The following ENG variants were observed in gnomAD, a reference collection of about 807,000 sequenced individuals.
ENG encodes the protein endoglin.
A neutral mutation model predicts 71.0 loss-of-function variants in ENG; 17 were observed. The ratio of observed to expected loss-of-function variants is 0.24; its 90% CI spans 0.16 to 0.36. ENG has a LOEUF of 0.36. Ranked by LOEUF, ENG falls within the 10% of genes least tolerant of loss-of-function variation. The probability of loss-of-function intolerance (pLI) is 1.00; values close to 1 mark genes in which losing one functional copy is unlikely to be tolerated. For synonymous variants in ENG, 360 were observed against 366.9 expected, an observed-to-expected ratio of 0.98 and a Z score of 0.21; for missense variants, 749 against 868.3, an observed-to-expected ratio of 0.86 and a Z score of 1.73.
Position 127,815,235 on chromosome 9 carries a change from T to G in ENG, c.*447A>C. 1 of 161,198 alleles carries G rather than the reference T, an allele frequency of 6.2e-6. No homozygotes were observed. Among genetic ancestry groups the G allele is most frequent in the Non-Finnish European group, 1.4e-5 (1 of 73,802 alleles). 10.0% of individuals were successfully genotyped at this position (161,198 alleles called of 1,614,324 possible). A position where few individuals can be genotyped will look rare whatever the true frequency, so the allele number is the denominator to read the frequency against. ...TGCCAGTTAGTTAGGCAAGTTCAGG[T>G]GTGGAGGCCGCAGGGATAGATCCAG... On this transcript the variant is annotated 3_prime_UTR_variant, in exon 15 of 15. Transcript: ENST00000373203.
intron 6 of ENG, 76 bp from the exon 7 acceptor site, chr9:127,825,050 C>T (rs1830573377): frequency 1.3e-6 from 2 of 1,589,698 alleles, no homozygotes; most frequent in Non-Finnish European, 8.6e-7. Context: ...AGGGTTATGC[C>T]AGGCCTCGGT....
chr9:127,839,574 G>C (rs1830978913), intron 2 of ENG, among the ~76,000 whole-genome samples: 1 of 152,100 alleles, frequency 6.6e-6, no homozygotes, highest in African/African-American at 2.4e-5. Context: ...TTTTGTTTTT[G>C]AGACAGGGTC....
At chr9:127,817,699 G>A in intron 12 of ENG, 1 of 361,482 alleles carries the variant, frequency 2.8e-6, no homozygotes, top group Admixed American at 4.1e-5. Context: ...GTGAAGTGTT[G>A]TGACTGGCAA....
At chr9:127,849,172 G>A (rs1482324725) in intron 1 of ENG, among the ~76,000 whole-genome samples, 2 of 152,174 alleles carry the variant, frequency 1.3e-5, no homozygotes, top group Non-Finnish European at 2.9e-5. Flanking sequence ...AATTAGCTTA[G>A]ACTGTGCGGT....
chr9:127,828,393 CCG>C (rs1021722764), intron 3 of ENG, among the ~76,000 whole-genome samples: 24 of 152,364 alleles, frequency 1.6e-4, no homozygotes, highest in African/African-American at 5.5e-4. Flanking sequence ...GCCACCGAGG[CCG>C]CGCCTTGGCC....
At chr9:127,830,750 C>T (rs1830746335) in intron 2 of ENG, among the ~76,000 whole-genome samples, 1 of 152,030 alleles carries the variant, frequency 6.6e-6, no homozygotes, top group East Asian at 1.9e-4. Flanking sequence ...AGGGAGTGTC[C>T]TGTGCATGGA....
intron 1 of ENG, among the ~76,000 whole-genome samples, chr9:127,845,355 G>A (rs1831143664): frequency 6.6e-6 from 1 of 152,226 alleles, no homozygotes; most frequent in Non-Finnish European, 1.5e-5. Flanking sequence ...CCTTGCCATG[G>A]CAACGCCATT....
chr9:127,852,746 G>A (rs1829060044), intron 1 of ENG, among the ~76,000 whole-genome samples: 1 of 152,160 alleles, frequency 6.6e-6, no homozygotes, highest in Non-Finnish European at 1.5e-5. Context: ...CAAACTTGGT[G>A]AGTTGGTGGC....
rs1830559618 is a variant in ENG, at chr9:127,824,739, C to T, written c.991+61G>A. The T allele has an allele frequency of 1.5e-5, 21 of 1,405,416 alleles. No homozygotes were observed. The East Asian group carries it at 5.9e-4, about 39-fold the overall frequency. 87.1% of individuals were successfully genotyped at this position (1,405,416 alleles called of 1,614,324 possible). A position where few individuals can be genotyped will look rare whatever the true frequency, so the allele number is the denominator to read the frequency against. Reference sequence around the variant, plus strand: ...AGCTCACACAGAGGTGCTTCACCAACAGTGTGGCCACTGATCCAAGGGAGG... The same window carrying T: ...AGCTCACACAGAGGTGCTTCACCAATAGTGTGGCCACTGATCCAAGGGAGG... On this transcript the variant is annotated intron_variant, in intron 7 of 14. Transcript: ENST00000373203.
intron 1 of ENG, among the ~76,000 whole-genome samples, chr9:127,853,337 C>G (rs902955891): frequency 6.6e-6 from 1 of 152,152 alleles, no homozygotes; most frequent in Non-Finnish European, 1.5e-5. Context: ...ATTTCTGCCC[C>G]TCTTCCCCCA....
At position 127,836,888 on chromosome 9, in the gene ENG, A is replaced by C. The variant is rs1564460509; in HGVS notation, c.219+6206T>G. The stretch of plus-strand genomic sequence containing the variant: ...CTGCAATCTCCGCCTCCTGGGTTCA[A>C]GTAATTCTGCTGGTTCAGCCTCCTG... On this transcript the variant is annotated intron_variant, in intron 2 of 14. Coordinates refer to ENST00000373203, the MANE Select transcript of ENG (RefSeq NM_001114753.3). This position sits in a 1 kb window ranked among gnomAD's most constrained non-coding sequence, Gnocchi z 4.0. 1.3e-5 allele frequency among the ~76,000 whole-genome samples: 2 copies of C among 152,098 alleles called. No individual in the cohort carries two copies. The highest frequency in any genetic ancestry group is 6.5e-5 in the Admixed American group (1 of 15,270).
chr9:127,819,490 G>T, intron 10 of ENG, 132 bp downstream of exon 10: 2 of 1,224,522 alleles, frequency 1.6e-6, no homozygotes, highest in Non-Finnish European at 2.4e-6. Flanking sequence ...CAGAAGGGGA[G>T]ACCGAGGCAT....
intron 1 of ENG, among the ~76,000 whole-genome samples, chr9:127,847,557 A>C (rs1831195744): frequency 6.6e-6 from 1 of 151,952 alleles, no homozygotes; most frequent in African/African-American, 2.4e-5. Context: ...TCCCAGGTTC[A>C]AGCGATTCTC....
chr9:127,815,524 G>A lies in ENG; in HGVS notation c.*158C>T, dbSNP rs1192173496. The A allele has an allele frequency of 3.6e-6, 5 of 1,381,068 alleles. No homozygotes were observed. Among genetic ancestry groups the A allele is most frequent in the Non-Finnish European group, 4.8e-6 (5 of 1,046,894 alleles). 85.6% of individuals were successfully genotyped at this position (1,381,068 alleles called of 1,614,324 possible). ...GGTGTTCCAAGCCAGTGGCTGCACT[G>A]GCAGCAGGCCTCTGAGAGGGAGGCG... On this transcript the variant is annotated 3_prime_UTR_variant, in exon 15 of 15. Coordinates refer to ENST00000373203, the MANE Select transcript of ENG (RefSeq NM_001114753.3).
chr9:127,824,277 G>A (rs777314748), intron 8 of ENG, 27 bp downstream of exon 8: 2 of 1,614,008 alleles, frequency 1.2e-6, no homozygotes, highest in Non-Finnish European at 1.7e-6. Flanking sequence ...ATGTCATCCT[G>A]AGCCAGAGGG....
At chr9:127,852,562 C>T (rs1829054790) in intron 1 of ENG, among the ~76,000 whole-genome samples, 1 of 152,214 alleles carries the variant, frequency 6.6e-6, no homozygotes, top group South Asian at 2.1e-4. Context: ...GTTTTTCCAA[C>T]TGGCTGTTAC....
At chr9:127,843,849 G>T (rs1412822467) in intron 1 of ENG, among the ~76,000 whole-genome samples, 1 of 132,842 alleles carries the variant, frequency 7.5e-6, no homozygotes, top group Non-Finnish European at 1.5e-5. Flanking sequence ...TTGGCTCACC[G>T]CAACCTCCGC....
rs1174755679 is a variant in ENG at position 127,817,422 on chromosome 9, TTC to T, written c.1687-221_1687-220del. 1.2e-4 allele frequency: 75 copies of T among 616,060 alleles called. No homozygotes were observed. In the East Asian group the frequency reaches 2.1e-3, roughly 17 times the overall value. The allele number at this position is 616,060 out of a possible 1,614,324, so 38.2% of individuals were successfully genotyped here. On this transcript the variant is annotated intron_variant, in intron 12 of 14. Transcript: ENST00000373203. ...CTGCTGCTGAAATGTTTCCTGTGAG[TTC>T]CTGGAGGCCTTGATGCCCAGGAGCA... is the stretch of plus-strand genomic sequence containing the variant.
intron 8 of ENG, among the ~76,000 whole-genome samples, chr9:127,823,314 A>G (rs887723113): frequency 2.1e-5 from 3 of 143,632 alleles, no homozygotes; most frequent in Non-Finnish European, 4.6e-5. Context: ...CCTGGCTAAT[A>G]TTTTGTATTC....
Sources: allele counts gnomAD v4.1 joint callset (sites outside exome capture counted in the v4.1 genomes callset), GRCh38; gene constraint gnomAD v4.1.1; non-coding constraint Gnocchi (gnomAD v3.1); transcripts MANE v1.5; gene names NCBI Gene and HGNC (gene_info 2026-07-23, HGNC 2026-07-21).